HTR4: variants seen among roughly 807,000 people sequenced by gnomAD.
The protein encoded by HTR4 is 5-hydroxytryptamine (serotonin) receptor 4, G protein-coupled.
HTR4 carries 16 observed loss-of-function variants against 36.8 expected under a neutral mutation model. The observed-to-expected ratio is 0.43, with a 90% CI of 0.29 to 0.66. The LOEUF (loss-of-function observed/expected upper bound fraction) is 0.66. HTR4 is among the 30% of genes least tolerant of loss of function. The probability of loss-of-function intolerance (pLI) is 0.13; values close to 1 mark genes in which losing one functional copy is unlikely to be tolerated. For synonymous variants in HTR4, 189 were observed against 185.1 expected (o/e 1.02, Z -0.17); for missense variants, 438 against 490.9 (o/e 0.89, Z 1.02).
chr5:148,456,634 T>C (rs1385569319), intron 5 of HTR4, among the ~76,000 whole-genome samples: 2 of 152,176 alleles, frequency 1.3e-5, no homozygotes, highest in Non-Finnish European at 2.9e-5. Context: ...GGGCACACAA[T>C]GGATGCAGTA....
At chr5:148,584,770 G>A (rs1377840815) in intron 2 of HTR4, among the ~76,000 whole-genome samples, 2 of 152,138 alleles carry the variant, frequency 1.3e-5, no homozygotes, top group Non-Finnish European at 2.9e-5. Context: ...AAGCATTTGG[G>A]GAAGACTTGT....
intron 1 of HTR4, among the ~76,000 whole-genome samples, chr5:148,637,803 A>G (rs1234728911): frequency 6.6e-6 from 1 of 152,156 alleles, no homozygotes; most frequent in Non-Finnish European, 1.5e-5. Flanking sequence ...TTGCATTTTT[A>G]TATCTTCATC....
At chr5:148,569,928 T>C (rs536147292) in intron 2 of HTR4, among the ~76,000 whole-genome samples, 1 of 152,236 alleles carries the variant, frequency 6.6e-6, no homozygotes, top group African/African-American at 2.4e-5. Flanking sequence ...CATGAATTTG[T>C]ATGCTTATGG....
rs115521923 is a variant in HTR4, at chr5:148,453,011, G to A, written c.1077-1739C>T. On this transcript the variant is annotated intron_variant, in intron 5 of 5. Transcript: ENST00000521530. The stretch of plus-strand genomic sequence containing the variant: ...GCTTTGTTGGCTGGCTTCTTGTGCA[G>A]CTCCATGAACACAGGGTGTCACAGG... Among the ~76,000 whole-genome samples, 509 of 152,344 alleles carry A rather than the reference G, an allele frequency of 3.3e-3. 2 individuals carry two copies. The highest frequency in any genetic ancestry group is 5.7e-3 in the Non-Finnish European group (391 of 68,032).
At chr5:148,504,923 A>G (rs1405361985) in intron 6 of HTR4, among the ~76,000 whole-genome samples, 1 of 152,144 alleles carries the variant, frequency 6.6e-6, no homozygotes, top group South Asian at 2.1e-4. Context: ...GGACACATAC[A>G]CCCTCCCAAG....
rs1254121003 is a variant in HTR4, at chr5:148,451,814, A to G, written c.1077-542T>C. On this transcript the variant is annotated intron_variant, in intron 5 of 5. Coordinates refer to the HTR4 transcript ENST00000521530. ...AGTTGACACTAAGCATCACAGTGAA[A>G]TTTACTACTTGACAAGTGTTTATTA... Among the ~76,000 whole-genome samples, 5 of 152,326 alleles carry G rather than the reference A, an allele frequency of 3.3e-5. No individual in the cohort carries two copies. The East Asian group carries it at 9.6e-4, about 29-fold the overall frequency.
At chr5:148,637,992 T>C (rs1753605912) in intron 1 of HTR4, among the ~76,000 whole-genome samples, 1 of 152,168 alleles carries the variant, frequency 6.6e-6, no homozygotes, top group South Asian at 2.1e-4. Flanking sequence ...TATTCTATAG[T>C]TCTGTTTGCT....
rs1271956665 is a variant in HTR4, at chr5:148,579,992, CCT to C, written c.27-29732_27-29731del. Among the ~76,000 whole-genome samples, 857 of 151,992 alleles carry C rather than the reference CCT, an allele frequency of 5.6e-3. 7 individuals are homozygous for C. Among genetic ancestry groups the C allele is most frequent in the African/African-American group, 0.019 (782 of 41,460 alleles). On this transcript the variant is annotated intron_variant, in intron 2 of 6. Coordinates refer to ENST00000377888, the MANE Select transcript of HTR4 (RefSeq NM_000870.7). ...CAAGCCAAATTCCTTTACATCAGTA[CCT>C]AGGTGAGTGTTTTATTGAATACCAA...
chr5:148,474,656 G>C (rs912670374), downstream of HTR4, among the ~76,000 whole-genome samples: 1 of 152,116 alleles, frequency 6.6e-6, no homozygotes, highest in Non-Finnish European at 1.5e-5. Context: ...TAATTTCAGA[G>C]GGAGTGTCTC....
At chr5:148,515,181 T>C (rs1757683231) in intron 5 of HTR4, among the ~76,000 whole-genome samples, 1 of 152,158 alleles carries the variant, frequency 6.6e-6, no homozygotes, top group African/African-American at 2.4e-5. Flanking sequence ...GCTTATTGGA[T>C]ATATATTCTT....
chr5:148,465,779 T>G, intron 5 of HTR4: 3 of 1,558,608 alleles, frequency 1.9e-6, no homozygotes, highest in Non-Finnish European at 2.6e-6. Context: ...AACAGACACT[T>G]AAGGATATTT....
intron 6 of HTR4, among the ~76,000 whole-genome samples, chr5:148,492,958 T>A (rs1282191705): frequency 6.6e-6 from 1 of 152,170 alleles, no homozygotes; most frequent in Non-Finnish European, 1.5e-5. Flanking sequence ...TAAGTCTCAA[T>A]GGAAGGGATA....
chr5:148,590,922 G>A (rs114863315), intron 2 of HTR4, among the ~76,000 whole-genome samples: 3,081 of 152,184 alleles, frequency 0.02, 60 homozygotes, highest in South Asian at 0.089. Flanking sequence ...TGTCCAGGAC[G>A]TATTGCCTGG....
chr5:148,457,647 A>C (rs1268224496), intron 5 of HTR4, among the ~76,000 whole-genome samples: 2 of 147,830 alleles, frequency 1.4e-5, no homozygotes, highest in Non-Finnish European at 3.0e-5. Context: ...ATATATATTT[A>C]ATATATCATT....
intron 4 of HTR4, among the ~76,000 whole-genome samples, chr5:148,540,398 G>GTA (rs1759047162): frequency 2.2e-5 from 1 of 44,824 alleles, no homozygotes; most frequent in Admixed American, 2.8e-4. Flanking sequence ...TTTTATGTGT[G>GTA]TGTATATATA....
At chr5:148,475,648 A>C (rs1755677585), downstream of HTR4, among the ~76,000 whole-genome samples, 1 of 152,206 alleles carries the variant, frequency 6.6e-6, no homozygotes. Context: ...GCACAGAAAC[A>C]ATCACTGCCT....
chr5:148,499,077 G>T (rs1756818765), intron 6 of HTR4, among the ~76,000 whole-genome samples: 1 of 152,174 alleles, frequency 6.6e-6, no homozygotes, highest in African/African-American at 2.4e-5. Flanking sequence ...GAGTTTTGAA[G>T]TCAGAAACAG....
intron 6 of HTR4, among the ~76,000 whole-genome samples, chr5:148,494,580 T>C (rs530786893): frequency 6.6e-6 from 1 of 152,356 alleles, no homozygotes; most frequent in South Asian, 2.1e-4. Context: ...TAAAGATTTG[T>C]ATAGCACATC....
intron 4 of HTR4, among the ~76,000 whole-genome samples, chr5:148,538,075 C>CA (rs1581443074): frequency 6.6e-6 from 1 of 152,106 alleles, no homozygotes; most frequent in East Asian, 1.9e-4. Flanking sequence ...GTTGGTTCAA[C>CA]ATACACAAAC....
Sources: allele counts gnomAD v4.1 joint callset (sites outside exome capture counted in the v4.1 genomes callset), GRCh38; gene constraint gnomAD v4.1.1; transcripts MANE v1.5; gene names NCBI Gene and HGNC (gene_info 2026-07-23, HGNC 2026-07-21).